Variants in TRIM37 observed in about 807,000 individuals in gnomAD.
TRIM37 encodes E3 ubiquitin-protein ligase TRIM37.
TRIM37 carries 80 observed loss-of-function variants against 129.8 expected under a neutral mutation model. That is an observed-to-expected ratio of 0.62 (90% CI 0.51 to 0.74). The LOEUF is 0.74. Among genes scored for constraint, TRIM37 ranks in the 30% least tolerant of loss-of-function variants. TRIM37 has a pLI of 0.00. For synonymous variants in TRIM37, 389 were observed against 387.1 expected (o/e 1.00, Z -0.06); for missense variants, 1,054 against 1,176.5 (o/e 0.90, Z 1.52).
Position 59,088,186 on chromosome 17 carries a change from C to T in TRIM37, c.281+105G>A, listed in dbSNP as rs1406441845. ...AAAGAATTAAAAACAAGAAATATAA[C>T]ACTACTTATTCATAAATAACTAAAA... is the stretch of plus-strand genomic sequence containing the variant. On this transcript the variant is annotated intron_variant, in intron 4 of 23. Transcript: ENST00000262294. The T allele has an allele frequency of 5.5e-6, 4 of 730,794 alleles. No homozygotes were observed. The East Asian group carries it at 7.8e-5, about 14-fold the overall frequency. The allele number at this position is 730,794 out of a possible 1,614,324, so 45.3% of individuals were successfully genotyped here. A position where few individuals can be genotyped will look rare whatever the true frequency, so the allele number is the denominator to read the frequency against.
chr17:59,058,623 C>T (rs1250704618), intron 12 of TRIM37, among the ~76,000 whole-genome samples: 2 of 151,756 alleles, frequency 1.3e-5, no homozygotes, highest in East Asian at 1.9e-4. Flanking sequence ...TTTAAGAGAC[C>T]GAGGTGGGCA....
At chr17:59,021,484 G>A (rs979632763) in intron 19 of TRIM37, among the ~76,000 whole-genome samples, 1 of 152,152 alleles carries the variant, frequency 6.6e-6, no homozygotes, top group Admixed American at 6.5e-5. Context: ...GCAACAACAT[G>A]GGTGGAACTG....
chr17:59,004,173 A>G (rs944461638), intron 22 of TRIM37, among the ~76,000 whole-genome samples: 1 of 152,082 alleles, frequency 6.6e-6, no homozygotes, highest in African/African-American at 2.4e-5. Context: ...AATTGTGTCA[A>G]ATAGAATGCC....
At chr17:58,979,874 C>G, downstream of TRIM37, 1 of 915,692 alleles carries the variant, frequency 1.1e-6, no homozygotes, top group African/African-American at 1.7e-5. Flanking sequence ...AGTTCACAAT[C>G]CAGTAAGCTG....
intron 15 of TRIM37, 42 bp downstream of exon 15, chr17:59,049,136 T>C (rs1335235191): frequency 6.5e-7 from 1 of 1,540,524 alleles, no homozygotes; most frequent in East Asian, 2.2e-5. Flanking sequence ...TACTGTTTTT[T>C]TTTAATCAAA....
At chr17:59,014,911 C>G (rs1462097479) in intron 21 of TRIM37, among the ~76,000 whole-genome samples, 1 of 133,722 alleles carries the variant, frequency 7.5e-6, no homozygotes, top group Non-Finnish European at 1.6e-5. Flanking sequence ...CTAAAAATAC[C>G]AAAAAAAAAA....
chr17:59,012,759 C>T (rs2035453644), intron 21 of TRIM37, among the ~76,000 whole-genome samples: 2 of 152,044 alleles, frequency 1.3e-5, no homozygotes, highest in South Asian at 4.2e-4. Flanking sequence ...CGCCTGTAAT[C>T]CCAGCTACTC....
chr17:59,058,434 T>G (rs1392352667), intron 12 of TRIM37, among the ~76,000 whole-genome samples: 1 of 152,178 alleles, frequency 6.6e-6, no homozygotes, highest in Non-Finnish European at 1.5e-5. Flanking sequence ...TATTGGGTAC[T>G]GGGCTTAATT....
intron 17 of TRIM37, among the ~76,000 whole-genome samples, chr17:59,033,310 C>T (rs1287575117): frequency 6.6e-6 from 1 of 152,184 alleles, no homozygotes; most frequent in Admixed American, 6.5e-5. Context: ...CATGTTCTCA[C>T]TGTCTCCCAC....
In TRIM37 at chr17:59,049,358, T is replaced by C. The variant is rs1309600015; in HGVS notation, c.1350A>G (p.Ser450=). 6.2e-7 allele frequency: 1 copy of C among 1,614,144 alleles called. No homozygotes were observed. Among genetic ancestry groups the C allele is most frequent in the East Asian group, 2.2e-5 (1 of 44,880 alleles). ...LTIELSRTQK[S]RDLSPPDNHL... ...GGTTATCTGGTGGTGACAAATCTCT[T>C]GACTTCTGAGTTCGAGACAGCTCAA... The change falls in exon 15 of 24, where the codon TCA becomes TCG. Residue 450 remains serine, a synonymous_variant. Coordinates refer to ENST00000262294, the MANE Select transcript of TRIM37 (RefSeq NM_015294.6).
At chr17:58,973,796 T>C in the TRIM37 span, among the ~76,000 whole-genome samples, 1 of 151,450 alleles carries the variant, frequency 6.6e-6, no homozygotes, top group African/African-American at 2.4e-5. Context: ...ACTAAAAATA[T>C]AAAAAATTAG....
At chr17:59,023,751 T>C (rs2036893920) in intron 19 of TRIM37, among the ~76,000 whole-genome samples, 1 of 151,840 alleles carries the variant, frequency 6.6e-6, no homozygotes, top group Non-Finnish European at 1.5e-5. Flanking sequence ...CTAAATAAAG[T>C]TGAAAAATTA....
chr17:58,981,128 T>A, downstream of TRIM37: 2 of 816,522 alleles, frequency 2.4e-6, no homozygotes, highest in Non-Finnish European at 3.8e-6. Flanking sequence ...TGTGCTTCAT[T>A]ATGAATCCAT....
chr17:59,064,229 C>T (rs963033259), intron 10 of TRIM37, 126 bp downstream of exon 10: 1 of 742,754 alleles, frequency 1.3e-6, no homozygotes, highest in Non-Finnish European at 2.2e-6. Context: ...TAATAGGAAA[C>T]TTATTCTTCT....
chr17:59,035,651 G>A (rs1234711110), intron 17 of TRIM37, among the ~76,000 whole-genome samples: 1 of 152,016 alleles, frequency 6.6e-6, no homozygotes, highest in Non-Finnish European at 1.5e-5. Context: ...TCGGGAGGCT[G>A]AGGCAGAATT....
At chr17:59,007,190 C>CTAA (rs2034614150) in intron 22 of TRIM37, among the ~76,000 whole-genome samples, 2 of 77,362 alleles carry the variant, frequency 2.6e-5, no homozygotes, top group Non-Finnish European at 4.8e-5. Flanking sequence ...CACACACACA[C>CTAA]ACACACACAC....
intron 13 of TRIM37, among the ~76,000 whole-genome samples, chr17:59,051,877 C>G (rs1300321922): frequency 6.6e-6 from 1 of 152,026 alleles, no homozygotes; most frequent in Non-Finnish European, 1.5e-5. Flanking sequence ...ACTACAGGCG[C>G]CCGCCACTAC....
intron 22 of TRIM37, among the ~76,000 whole-genome samples, chr17:59,005,330 T>A (rs1248281245): frequency 6.6e-6 from 1 of 152,110 alleles, no homozygotes; most frequent in Admixed American, 6.5e-5. Flanking sequence ...GTCACCCAGG[T>A]TGGCGTGCCA....
intron 18 of TRIM37, among the ~76,000 whole-genome samples, chr17:59,029,402 G>A (rs936829124): frequency 1.1e-4 from 16 of 151,848 alleles, no homozygotes; most frequent in African/African-American, 2.2e-4. Context: ...AAATTCCTCC[G>A]GCTAGCATGC....
Sources: gnomAD v4.1 joint callset for allele counts (sites outside exome capture counted in the v4.1 genomes callset) on GRCh38, gnomAD v4.1.1 for gene constraint, MANE v1.5 for transcripts, NCBI Gene and HGNC (gene_info 2026-07-23, HGNC 2026-07-21) for gene names.